RYR3: variants seen among roughly 807,000 people sequenced by gnomAD.
The protein encoded by RYR3 is brain ryanodine receptor-calcium release channel.
RYR3 carries 207 observed loss-of-function variants against 584.3 expected under a neutral mutation model. The ratio of observed to expected loss-of-function variants is 0.35; its 90% CI spans 0.32 to 0.40. RYR3 has a LOEUF of 0.40. Among genes scored for constraint, RYR3 ranks in the 10% least tolerant of loss-of-function variants. RYR3 has a pLI of 1.00. For synonymous variants in RYR3, 2,416 were observed against 2,248.5 expected (o/e 1.07, Z -2.11); for missense variants, 5,616 against 6,089.2 (o/e 0.92, Z 2.59).
chr15:33,858,965 C>T (rs2080034639), intron 99 of RYR3: 1 of 152,728 alleles, frequency 6.5e-6, no homozygotes, highest in Non-Finnish European at 1.5e-5. Flanking sequence ...ACCAGCGTGT[C>T]TTCAGGCTGC....
At chr15:33,665,685 C>T (rs1220839447) in intron 36 of RYR3, among the ~76,000 whole-genome samples, 1 of 152,212 alleles carries the variant, frequency 6.6e-6, no homozygotes, top group Non-Finnish European at 1.5e-5. Context: ...AGATCCACTG[C>T]CAGTCTAAAA....
intron 1 of RYR3, among the ~76,000 whole-genome samples, chr15:33,366,938 T>C (rs1246530378): frequency 6.6e-6 from 1 of 152,164 alleles, no homozygotes. Flanking sequence ...AGCTACTCCA[T>C]CTCTAGGGGA....
At chr15:33,473,879 G>A (rs2049147227) in intron 2 of RYR3, among the ~76,000 whole-genome samples, 1 of 152,150 alleles carries the variant, frequency 6.6e-6, no homozygotes, top group Admixed American at 6.5e-5. Context: ...CTGAGTGTGT[G>A]TTCTTTACTC....
intron 38 of RYR3, among the ~76,000 whole-genome samples, chr15:33,687,316 G>A (rs187222706): frequency 2.6e-5 from 4 of 152,130 alleles, no homozygotes; most frequent in African/African-American, 9.7e-5. Context: ...ATTCGCAATT[G>A]CTACAAAGAG....
chr15:33,550,071 T>C (rs2096286224), intron 9 of RYR3, 89 bp from the exon 10 acceptor site: 1 of 1,353,062 alleles, frequency 7.4e-7, no homozygotes, highest in Non-Finnish European at 1.0e-6. Context: ...GTTATAAGTC[T>C]GCTAGCATGT....
At position 33,464,489 on chromosome 15, in the gene RYR3, T is replaced by TATATATATATACACACAC. The variant is rs1450450145; in HGVS notation, c.52-8929_52-8928insTATATATATACACACACA. ...ATATATATATATATATATATATATA[T>TATATATATATACACACAC]ACACATATATATATACATACACATA... On this transcript the variant is annotated intron_variant, in intron 1 of 103. Coordinates refer to ENST00000634891, the MANE Select transcript of RYR3 (RefSeq NM_001036.6). Among the ~76,000 whole-genome samples, 16 of 67,450 alleles carry TATATATATATACACACAC rather than the reference T, an allele frequency of 2.4e-4. 1 individual carries two copies. The highest frequency in any genetic ancestry group is 1.3e-3 in the African/African-American group (16 of 12,008). The allele number at this position is 67,450 out of a possible 152,430, so 44.2% of individuals were successfully genotyped here. A position where few individuals can be genotyped will look rare whatever the true frequency, so the allele number is the denominator to read the frequency against.
Position 33,696,295 on chromosome 15 carries a change from C to T in RYR3, c.5938C>T (p.Arg1980Ter), listed in dbSNP as rs2065861710. The change falls in exon 39 of 104, where the codon CGA becomes TGA. Residue 1980 changes from arginine (R) to a stop codon, truncating the protein, a stop_gained. Transcript: ENST00000634891. LOFTEE classifies it high-confidence loss of function. The stretch of plus-strand genomic sequence containing the variant: ...CCAGATCCAGGATTCAGAGCTGGTC[C>T]GAATGATGTTCAACCTCCTCCGGAG... ...EDQIQDSELVRMMFNLLRRQY... is the reference protein window; with the variant it reads ...EDQIQDSELV 2 of 1,613,570 alleles carry T rather than the reference C, an allele frequency of 1.2e-6. No individual in the cohort carries two copies. Among genetic ancestry groups the T allele is most frequent in the Admixed American group, 1.7e-5 (1 of 59,986 alleles).
intron 1 of RYR3, among the ~76,000 whole-genome samples, chr15:33,347,516 G>A (rs1249783844): frequency 1.3e-5 from 2 of 150,158 alleles, no homozygotes; most frequent in Non-Finnish European, 3.0e-5. Flanking sequence ...GTGCTATCTC[G>A]GCTCACTGCA....
intron 43 of RYR3, among the ~76,000 whole-genome samples, chr15:33,711,317 C>T (rs2067104050): frequency 7.2e-6 from 1 of 138,414 alleles, no homozygotes; most frequent in Non-Finnish European, 1.5e-5. Flanking sequence ...GATCTCAGCT[C>T]ACTGCAAGCT....
chr15:33,649,158 C>T lies in RYR3; in HGVS notation c.4065C>T (p.Tyr1355=). 1 of 1,613,714 alleles carries T rather than the reference C, an allele frequency of 6.2e-7. No individual in the cohort carries two copies. Reference sequence around the variant, plus strand: ...GGGTGACTCCAGACTATCACTTGTACAGTGAAAAGTTTGACCTGAATAAAA... The same window carrying T: ...GGGTGACTCCAGACTATCACTTGTATAGTGAAAAGTTTGACCTGAATAAAA... ...VGWVTPDYHL[Y]SEKFDLNKNC... is the part of the protein sequence containing the mutation. Residue 1355 remains tyrosine, a synonymous_variant, in exon 31 of 104, where the codon TAC becomes TAT. Transcript: ENST00000634891.
At position 33,840,804 on chromosome 15, in the gene RYR3, CTAAT is replaced by C; in HGVS notation, c.12979-19_12979-16del. On this transcript the variant is annotated splice_polypyrimidine_tract_variant and intron_variant, in intron 89 of 103. Transcript: ENST00000634891. The stretch of plus-strand genomic sequence containing the variant: ...CCTCGCTTCTTTGAGGAAAGCTTGA[CTAAT>C]TGTTATTTTTGTCTAGGCAGCAGAA... 2 of 1,612,940 alleles carry C rather than the reference CTAAT, an allele frequency of 1.2e-6. No individual in the cohort carries two copies. Among genetic ancestry groups the C allele is most frequent in the Non-Finnish European group, 1.7e-6 (2 of 1,179,242 alleles).
At chr15:33,632,824 A>C in intron 23 of RYR3, 125 bp from the exon 24 acceptor site, 1 of 733,394 alleles carries the variant, frequency 1.4e-6, no homozygotes, top group East Asian at 2.6e-5. Context: ...GTTCAGCCAA[A>C]GAGTGGGACC....
chr15:33,768,438 G>C (rs1240603304), intron 60 of RYR3, among the ~76,000 whole-genome samples: 1 of 152,194 alleles, frequency 6.6e-6, no homozygotes, highest in Non-Finnish European at 1.5e-5. Context: ...TAAAGATGGA[G>C]CTGCCTGCAA....
At position 33,853,052 on chromosome 15, in the gene RYR3, C is replaced by T; in HGVS notation, c.13636C>T (p.Pro4546Ser). Residue 4546 changes from proline to serine, a missense_variant, in exon 95 of 104, where the codon CCT becomes TCT. This residue lies in a region of RYR3 where 918 missense variants were observed against 887.4 expected (regional missense o/e 1.03). Coordinates refer to ENST00000634891, the MANE Select transcript of RYR3 (RefSeq NM_001036.6). ...TTTCGTTTTGTTTTTCAGATCTTTT[C>T]CTAATAACTACTGGGACAAGTTTGT... ...DRLVINTPSF[P>S]NNYWDKFVKR... 1 of 1,606,368 alleles carries T rather than the reference C, an allele frequency of 6.2e-7. No individual in the cohort carries two copies. Among genetic ancestry groups the T allele is most frequent in the Non-Finnish European group, 8.5e-7 (1 of 1,176,678 alleles).
At chr15:33,769,889 C>T (rs2073424648) in intron 62 of RYR3, among the ~76,000 whole-genome samples, 1 of 152,006 alleles carries the variant, frequency 6.6e-6, no homozygotes, top group South Asian at 2.1e-4. Context: ...GTGGAGGTTG[C>T]AGTGAGCTGA....
At chr15:33,710,644 C>T (rs762653845) in intron 43 of RYR3, among the ~76,000 whole-genome samples, 1 of 152,200 alleles carries the variant, frequency 6.6e-6, no homozygotes. Flanking sequence ...ACACCTGCAG[C>T]AGGATTCTGC....
At chr15:33,791,261 AAG>A (rs979637423) in intron 67 of RYR3, among the ~76,000 whole-genome samples, 3 of 152,164 alleles carry the variant, frequency 2.0e-5, no homozygotes, top group African/African-American at 7.2e-5. Flanking sequence ...ATGAACATGT[AAG>A]AGAGAGACAA....
At chr15:33,480,161 T>C (rs1203269744) in intron 2 of RYR3, among the ~76,000 whole-genome samples, 1 of 152,198 alleles carries the variant, frequency 6.6e-6, no homozygotes, top group Non-Finnish European at 1.5e-5. Context: ...AGCACTGACA[T>C]CAAGGACTTT....
At chr15:33,792,142 AT>A (rs2075198679) in intron 67 of RYR3, among the ~76,000 whole-genome samples, 1 of 152,196 alleles carries the variant, frequency 6.6e-6, no homozygotes, top group South Asian at 2.1e-4. Context: ...TCAGTGAGAT[AT>A]GTGCTAAAAG....
Sources: gnomAD v4.1 joint callset for allele counts (sites outside exome capture counted in the v4.1 genomes callset) on GRCh38, gnomAD v4.1.1 for gene constraint, gnomAD v4.1.1 regional missense constraint, MANE v1.5 for transcripts, NCBI Gene and HGNC (gene_info 2026-07-23, HGNC 2026-07-21) for gene names.